CNTN5: variants seen among roughly 807,000 people sequenced by gnomAD.
CNTN5 encodes the protein contactin-5.
Under a neutral mutation model 129.1 loss-of-function variants are expected in CNTN5, and 77 were observed. The observed-to-expected ratio is 0.60, with a 90% CI of 0.50 to 0.72. The LOEUF (loss-of-function observed/expected upper bound fraction) is 0.72. Among genes scored for constraint, CNTN5 ranks in the 30% least tolerant of loss-of-function variants. The pLI, the probability that CNTN5 is intolerant of heterozygous loss-of-function variation, is 0.00. For synonymous variants in CNTN5, 509 were observed against 465.6 expected, an observed-to-expected ratio of 1.09 and a Z score of -1.20; for missense variants, 1,478 against 1,328.8, an observed-to-expected ratio of 1.11 and a Z score of -1.75.
chr11:99,925,077 T>G (rs1294795322), intron 7 of CNTN5, among the ~76,000 whole-genome samples: 1 of 152,156 alleles, frequency 6.6e-6, no homozygotes, highest in Non-Finnish European at 1.5e-5. Context: ...TGCAAAACCA[T>G]AGACAGGTAT....
At position 99,389,772 on chromosome 11, in the gene CNTN5, A is replaced by G. The variant is rs147882936; in HGVS notation, c.-71+64288A>G. Among the ~76,000 whole-genome samples the G allele has an allele frequency of 4.7e-3, 718 of 152,344 alleles. 3 individuals are homozygous for G. The highest frequency in any genetic ancestry group is 0.014 in the South Asian group (70 of 4,834). On this transcript the variant is annotated intron_variant, in intron 2 of 24. Coordinates refer to ENST00000524871, the MANE Select transcript of CNTN5 (RefSeq NM_014361.4). Reference sequence around the variant, plus strand: ...GGAATTTTCCCCAAGTGGTAGGAATAAAATCTGATTAGAGATTTAAATTAA... The same window carrying G: ...GGAATTTTCCCCAAGTGGTAGGAATGAAATCTGATTAGAGATTTAAATTAA...
chr11:99,398,755 A>G (rs1414916322), intron 2 of CNTN5, among the ~76,000 whole-genome samples: 2 of 151,852 alleles, frequency 1.3e-5, no homozygotes, highest in Non-Finnish European at 2.9e-5. Flanking sequence ...TTTTTACTTT[A>G]AAGACCATCT....
At chr11:99,115,231 C>G (rs1025554560) in intron 1 of CNTN5, among the ~76,000 whole-genome samples, 6 of 152,098 alleles carry the variant, frequency 3.9e-5, no homozygotes, top group South Asian at 2.1e-4. Context: ...GCTTTTCCTG[C>G]AATTAGTCAA....
intron 10 of CNTN5, 54 bp downstream of exon 10, chr11:100,061,447 G>A: frequency 7.7e-7 from 1 of 1,306,366 alleles, no homozygotes; most frequent in Admixed American, 2.3e-5. Flanking sequence ...CAAACTGAAA[G>A]TGGAAATTAA....
chr11:99,626,635 T>C (rs1418694384), intron 3 of CNTN5, among the ~76,000 whole-genome samples: 1 of 152,166 alleles, frequency 6.6e-6, no homozygotes, highest in Non-Finnish European at 1.5e-5. Context: ...ATTTTATTTT[T>C]TTTGTATAAA....
At chr11:99,181,543 G>GGCTT (rs752886120) in intron 1 of CNTN5, among the ~76,000 whole-genome samples, 9 of 152,158 alleles carry the variant, frequency 5.9e-5, no homozygotes, top group Non-Finnish European at 1.3e-4. Flanking sequence ...GACTGCAGTT[G>GGCTT]GCTTGCGTTG....
chr11:99,258,040 C>G (rs1042487639), intron 1 of CNTN5, among the ~76,000 whole-genome samples: 1 of 152,004 alleles, frequency 6.6e-6, no homozygotes, highest in Non-Finnish European at 1.5e-5. Context: ...CCTTTCTCCC[C>G]CTGAACACCT....
chr11:100,029,335 C>G (rs550868805), intron 9 of CNTN5, among the ~76,000 whole-genome samples: 12 of 152,268 alleles, frequency 7.9e-5, no homozygotes, highest in African/African-American at 2.6e-4. Flanking sequence ...GTAATCCCAG[C>G]ACTTTGGGAG....
chr11:100,167,428 T>G (rs1295991507), intron 13 of CNTN5, among the ~76,000 whole-genome samples: 1 of 151,814 alleles, frequency 6.6e-6, no homozygotes, highest in Non-Finnish European at 1.5e-5. Flanking sequence ...ATGTATTCAC[T>G]TAACAAATAC....
At chr11:100,332,027 A>G (rs1002044381) in intron 21 of CNTN5, among the ~76,000 whole-genome samples, 11 of 152,130 alleles carry the variant, frequency 7.2e-5, no homozygotes, top group Admixed American at 7.2e-4. Flanking sequence ...AAAAATACAA[A>G]AGATAAATGA....
chr11:99,373,174 A>G (rs937974031), intron 2 of CNTN5, among the ~76,000 whole-genome samples: 2 of 152,158 alleles, frequency 1.3e-5, no homozygotes, highest in Admixed American at 6.5e-5. Flanking sequence ...GCACCATTGC[A>G]CTCCAGCCAG....
intron 3 of CNTN5, among the ~76,000 whole-genome samples, chr11:99,649,191 A>C (rs950846375): frequency 6.9e-6 from 1 of 145,522 alleles, no homozygotes; most frequent in African/African-American, 2.5e-5. Flanking sequence ...TTAAAAATAA[A>C]TAATATTGAA....
At chr11:99,920,274 C>A (rs1949904345) in intron 7 of CNTN5, among the ~76,000 whole-genome samples, 1 of 152,106 alleles carries the variant, frequency 6.6e-6, no homozygotes, top group Admixed American at 6.5e-5. Flanking sequence ...TTTGTCTCAT[C>A]TCCTCAAACT....
At chr11:100,295,687 T>A (rs959258332) in intron 18 of CNTN5, among the ~76,000 whole-genome samples, 2 of 151,484 alleles carry the variant, frequency 1.3e-5, no homozygotes, top group Admixed American at 1.3e-4. Flanking sequence ...CCTTTTTTTT[T>A]AGATGATGTT....
At chr11:99,870,860 G>A (rs1948487403) in intron 6 of CNTN5, among the ~76,000 whole-genome samples, 1 of 152,008 alleles carries the variant, frequency 6.6e-6, no homozygotes, top group African/African-American at 2.4e-5. Context: ...GGTTTTGTCT[G>A]ATTTCTCAGA....
chr11:99,770,741 G>A (rs1210060422), intron 3 of CNTN5, among the ~76,000 whole-genome samples: 1 of 151,902 alleles, frequency 6.6e-6, no homozygotes, highest in Non-Finnish European at 1.5e-5. Context: ...TATCCAAAGT[G>A]ATCTACAAGT....
At chr11:99,933,872 T>A (rs7131585) in intron 7 of CNTN5, among the ~76,000 whole-genome samples, 151,517 of 152,354 alleles carry the variant, frequency 0.99, 75,351 homozygotes, top group Middle Eastern at 1. Context: ...ATGGGATTAG[T>A]ATATAAATCT....
At chr11:99,296,465 A>T (rs559568842) in intron 1 of CNTN5, among the ~76,000 whole-genome samples, 79 of 152,354 alleles carry the variant, frequency 5.2e-4, no homozygotes, top group Middle Eastern at 3.4e-3. Flanking sequence ...GTAGCATAAT[A>T]ATCTACTTTT....
chr11:100,259,301 C>T (rs1424991384), intron 17 of CNTN5, among the ~76,000 whole-genome samples: 1 of 152,030 alleles, frequency 6.6e-6, no homozygotes, highest in Admixed American at 6.6e-5. Flanking sequence ...TAAAGCAAGT[C>T]CTTAGAGATC....
Sources: gnomAD v4.1 joint callset for allele counts (sites outside exome capture counted in the v4.1 genomes callset) on GRCh38, gnomAD v4.1.1 for gene constraint, MANE v1.5 for transcripts, NCBI Gene and HGNC (gene_info 2026-07-23, HGNC 2026-07-21) for gene names.